The following RBFOX1 variants were observed in gnomAD, a reference collection of about 807,000 sequenced individuals.
RBFOX1 encodes RNA binding fox-1 homolog 1, also known as RNA binding protein fox-1 homolog 1.
Under a neutral mutation model 57.7 loss-of-function variants are expected in RBFOX1, and 8 were observed. The ratio of observed to expected loss-of-function variants is 0.14; its 90% CI spans 0.08 to 0.25. RBFOX1 has a LOEUF of 0.25. RBFOX1 is among the 10% of genes least tolerant of loss of function. The probability of loss-of-function intolerance (pLI) is 1.00; values close to 1 mark genes in which losing one functional copy is unlikely to be tolerated. For synonymous variants in RBFOX1, 326 were observed against 222.4 expected (o/e 1.47, Z -4.15); for missense variants, 611 against 548.5 (o/e 1.11, Z -1.14).
intron 4 of RBFOX1, among the ~76,000 whole-genome samples, chr16:7,329,506 C>T (rs1455150318): frequency 6.6e-6 from 1 of 152,142 alleles, no homozygotes; most frequent in African/African-American, 2.4e-5. Flanking sequence ...AGGTGCTTCC[C>T]ATTTGGGAGA....
chr16:6,524,475 T>C (rs1040054436), intron 2 of RBFOX1, among the ~76,000 whole-genome samples: 1 of 152,202 alleles, frequency 6.6e-6, no homozygotes, highest in Admixed American at 6.5e-5. Flanking sequence ...TCGAAGCGTG[T>C]TTGTCTTCCA....
intron 4 of RBFOX1, among the ~76,000 whole-genome samples, chr16:5,952,220 G>A (rs914347526): frequency 2.7e-5 from 4 of 150,880 alleles, no homozygotes; most frequent in Admixed American, 2.0e-4. Context: ...GTGTGACCTC[G>A]GCTCACTGCA....
At chr16:7,611,694 C>G (rs554306809) in intron 10 of RBFOX1, among the ~76,000 whole-genome samples, 4 of 152,182 alleles carry the variant, frequency 2.6e-5, no homozygotes, top group East Asian at 3.9e-4. Context: ...AGCCATTGCA[C>G]TTAATGAGGA....
intron 1 of RBFOX1, among the ~76,000 whole-genome samples, chr16:5,286,529 C>G (rs957144872): frequency 2.6e-5 from 4 of 152,110 alleles, no homozygotes; most frequent in Non-Finnish European, 5.9e-5. Context: ...TTTCAGAAAA[C>G]CTGAGCATAT....
intron 1 of RBFOX1, among the ~76,000 whole-genome samples, chr16:6,170,225 G>C (rs2096949902): frequency 6.6e-6 from 1 of 152,146 alleles, no homozygotes; most frequent in South Asian, 2.1e-4. Context: ...GGTAATGAGA[G>C]ACTATGAAAG....
rs148720440 is a variant in RBFOX1 at position 7,175,225 on chromosome 16, G to T, written c.27+123127G>T. Among the ~76,000 whole-genome samples the T allele has an allele frequency of 3.8e-4, 57 of 151,924 alleles. No individual in the cohort carries two copies. The Middle Eastern group carries it at 0.01, about 27-fold the overall frequency. On this transcript the variant is annotated intron_variant, in intron 4 of 15. Transcript: ENST00000550418. ...CCACCCCAGCCCCCAATAGGCCCCAGTGTGTGTTGTTCCTCTCCCTGTGCC... is the reference window on the plus strand; with the variant it reads ...CCACCCCAGCCCCCAATAGGCCCCATTGTGTGTTGTTCCTCTCCCTGTGCC...
chr16:6,010,212 G>C (rs568572132), intron 4 of RBFOX1, among the ~76,000 whole-genome samples: 3 of 152,052 alleles, frequency 2.0e-5, no homozygotes, highest in Admixed American at 6.5e-5. Flanking sequence ...CTCTTTGGTC[G>C]CTGAATTCTG....
chr16:6,694,270 G>C (rs989276194), intron 3 of RBFOX1, among the ~76,000 whole-genome samples: 1 of 152,120 alleles, frequency 6.6e-6, no homozygotes, highest in African/African-American at 2.4e-5. Flanking sequence ...AGAGGAGGTT[G>C]GTGTGTGAGT....
At chr16:7,616,030 T>G (rs1211505262) in intron 10 of RBFOX1, among the ~76,000 whole-genome samples, 1 of 152,202 alleles carries the variant, frequency 6.6e-6, no homozygotes, top group Non-Finnish European at 1.5e-5. Flanking sequence ...GTTTCATCTT[T>G]GGAGCATTGT....
chr16:7,098,496 A>G (rs2151295874), intron 4 of RBFOX1, among the ~76,000 whole-genome samples: 1 of 152,300 alleles, frequency 6.6e-6, no homozygotes, highest in Non-Finnish European at 1.5e-5. Flanking sequence ...CTATTCATTC[A>G]TTTGTAAAAT....
intron 5 of RBFOX1, among the ~76,000 whole-genome samples, chr16:7,546,087 G>C (rs921507597): frequency 3.3e-5 from 5 of 151,984 alleles, no homozygotes; most frequent in African/African-American, 1.2e-4. Context: ...AGCACTTTGG[G>C]GGACAGAGGC....
intron 3 of RBFOX1, among the ~76,000 whole-genome samples, chr16:5,840,358 G>A (rs2052176572): frequency 3.9e-5 from 6 of 152,186 alleles, no homozygotes. Flanking sequence ...GCCACACCCA[G>A]AGAGGCCACC....
In RBFOX1 at chr16:5,706,896, C is replaced by T. The variant is rs1193448076; in HGVS notation, c.318+107935C>T. Among the ~76,000 whole-genome samples the T allele has an allele frequency of 2.0e-5, 3 of 152,112 alleles. 1 individual carries two copies. The highest frequency in any genetic ancestry group is 1.5e-5 in the Non-Finnish European group (1 of 67,990). The stretch of plus-strand genomic sequence containing the variant: ...AGGATTTAGGGTGGGGTTCCTCCAG[C>T]CCTAGCCTAAGCCCACTCTGTAGGT... On this transcript the variant is annotated intron_variant, in intron 3 of 19. Transcript: ENST00000641259.
intron 4 of RBFOX1, among the ~76,000 whole-genome samples, chr16:7,269,173 C>T (rs557080667): frequency 3.8e-4 from 58 of 151,974 alleles, no homozygotes; most frequent in Middle Eastern, 3.4e-3. Flanking sequence ...GAGCAGTTTC[C>T]GGTTATTCCA....
At chr16:6,847,368 C>T (rs772051930) in intron 3 of RBFOX1, among the ~76,000 whole-genome samples, 1 of 152,134 alleles carries the variant, frequency 6.6e-6, no homozygotes, top group African/African-American at 2.4e-5. Context: ...GGTCTTCAAT[C>T]TGCCCTATGT....
chr16:6,753,174 C>A (rs1320922733), intron 3 of RBFOX1, among the ~76,000 whole-genome samples: 1 of 151,828 alleles, frequency 6.6e-6, no homozygotes, highest in Non-Finnish European at 1.5e-5. Context: ...TGAAATGCAC[C>A]AAAAATAAGA....
chr16:7,374,953 G>T (rs1013484513), intron 4 of RBFOX1, among the ~76,000 whole-genome samples: 1 of 152,184 alleles, frequency 6.6e-6, no homozygotes, highest in African/African-American at 2.4e-5. Context: ...ACGGAGCCTG[G>T]AGTAATTTAA....
chr16:5,519,471 C>T (rs1162637772), intron 2 of RBFOX1, among the ~76,000 whole-genome samples: 2 of 152,182 alleles, frequency 1.3e-5, no homozygotes, highest in African/African-American at 2.4e-5. Flanking sequence ...TGCCTGTAAT[C>T]CCAGTGCTCT....
intron 1 of RBFOX1, among the ~76,000 whole-genome samples, chr16:5,400,613 C>A (rs894185439): frequency 3.3e-5 from 5 of 152,004 alleles, no homozygotes; most frequent in Non-Finnish European, 7.4e-5. Flanking sequence ...ACATAATATT[C>A]CATATTATGC....
Sources: gnomAD v4.1 joint callset for allele counts (sites outside exome capture counted in the v4.1 genomes callset) on GRCh38, gnomAD v4.1.1 for gene constraint, MANE v1.5 for transcripts, NCBI Gene and HGNC (gene_info 2026-07-23, HGNC 2026-07-21) for gene names.